Variants in FSTL4 observed in about 807,000 individuals in gnomAD.
The protein encoded by FSTL4 is follistatin like 4.
Under a neutral mutation model 78.2 loss-of-function variants are expected in FSTL4, and 28 were observed. The ratio of observed to expected loss-of-function variants is 0.36; its 90% CI spans 0.27 to 0.49. The LOEUF is 0.49. FSTL4 is among the 20% of genes least tolerant of loss of function. FSTL4 has a pLI of 0.98. For missense variants in FSTL4, 922 were observed against 1,084.9 expected (o/e 0.85, Z 2.11); for synonymous variants, 422 against 440.5 (o/e 0.96, Z 0.53).
At chr5:133,616,162 A>T (rs979270561), upstream of FSTL4, among the ~76,000 whole-genome samples, 3 of 152,220 alleles carry the variant, frequency 2.0e-5, no homozygotes, top group African/African-American at 7.2e-5. Flanking sequence ...CCTACTGAGT[A>T]TAGGCAAAAG....
intron 3 of FSTL4, among the ~76,000 whole-genome samples, chr5:133,522,764 C>A (rs1023930522): frequency 2.6e-5 from 4 of 152,204 alleles, no homozygotes. Context: ...ATTCTAAAAG[C>A]CCCAATTATC....
At chr5:133,294,579 G>A (rs1367525219) in intron 6 of FSTL4, among the ~76,000 whole-genome samples, 2 of 152,082 alleles carry the variant, frequency 1.3e-5, no homozygotes, top group African/African-American at 2.4e-5. Context: ...CTGTGTAAGT[G>A]CCAGGTGATT....
intron 3 of FSTL4, among the ~76,000 whole-genome samples, chr5:133,560,088 C>T (rs1759879820): frequency 6.6e-6 from 1 of 152,204 alleles, no homozygotes; most frequent in Admixed American, 6.5e-5. Context: ...CTGACCCCTG[C>T]GTTTCCAAAA....
chr5:133,541,056 T>C (rs976835234), intron 3 of FSTL4, among the ~76,000 whole-genome samples: 1 of 152,220 alleles, frequency 6.6e-6, no homozygotes, highest in Non-Finnish European at 1.5e-5. Flanking sequence ...GTCAGGTGTT[T>C]TGAGGTTTTG....
intron 3 of FSTL4, among the ~76,000 whole-genome samples, chr5:133,494,768 C>T (rs1758336227): frequency 6.6e-6 from 1 of 152,220 alleles, no homozygotes. Context: ...AGAAGAGGGC[C>T]TGTGGCCCGG....
At chr5:133,667,080 C>T in the FSTL4 span, among the ~76,000 whole-genome samples, 2 of 152,200 alleles carry the variant, frequency 1.3e-5, no homozygotes, top group African/African-American at 2.4e-5. Flanking sequence ...AAACCTAATT[C>T]CTGATCTTCT....
intron 3 of FSTL4, 60 bp downstream of exon 3, chr5:133,567,126 C>T: frequency 1.6e-6 from 2 of 1,213,578 alleles, no homozygotes; most frequent in Non-Finnish European, 2.5e-6. Flanking sequence ...TTAGTTTCAG[C>T]AAACTACTTC....
At chr5:133,333,147 C>T (rs1438201422) in intron 4 of FSTL4, among the ~76,000 whole-genome samples, 1 of 152,226 alleles carries the variant, frequency 6.6e-6, no homozygotes, top group Non-Finnish European at 1.5e-5. Context: ...CCCCATCCTG[C>T]ACCCTGTTTG....
chr5:133,352,405 CAT>C (rs1358562116), intron 4 of FSTL4, among the ~76,000 whole-genome samples: 5 of 149,526 alleles, frequency 3.3e-5, no homozygotes, highest in African/African-American at 4.9e-5. Flanking sequence ...TATATATACA[CAT>C]ATATATATAT....
chr5:133,713,316 C>T, the FSTL4 span, among the ~76,000 whole-genome samples: 1 of 152,056 alleles, frequency 6.6e-6, no homozygotes, highest in Admixed American at 6.6e-5. Context: ...TAGACAAACC[C>T]ATAAAAAAGC....
chr5:133,598,929 C>T (rs1452456128), intron 2 of FSTL4, among the ~76,000 whole-genome samples: 2 of 152,128 alleles, frequency 1.3e-5, no homozygotes, highest in East Asian at 1.9e-4. Context: ...GTTGGTTCAC[C>T]GGGAAGAGGG....
chr5:133,419,664 T>G (rs369419573), intron 3 of FSTL4, among the ~76,000 whole-genome samples: 1 of 152,246 alleles, frequency 6.6e-6, no homozygotes, highest in Non-Finnish European at 1.5e-5. Flanking sequence ...TTAAAGAAAC[T>G]GTCAAACCAT....
At chr5:133,582,713 G>A (rs1288779289) in intron 2 of FSTL4, among the ~76,000 whole-genome samples, 1 of 152,188 alleles carries the variant, frequency 6.6e-6, no homozygotes, top group African/African-American at 2.4e-5. Flanking sequence ...TCTTACCCAT[G>A]ACTTTCTCTC....
chr5:133,816,455 TGAAAAGCCCAG>T, the FSTL4 span, among the ~76,000 whole-genome samples: 1 of 152,114 alleles, frequency 6.6e-6, no homozygotes, highest in Non-Finnish European at 1.5e-5. Context: ...CTCCTAGAGA[TGAAAAGCCCAG>T]GGAAAGCCAT....
the FSTL4 span, among the ~76,000 whole-genome samples, chr5:133,771,497 A>C: frequency 6.6e-6 from 1 of 152,070 alleles, no homozygotes; most frequent in African/African-American, 2.4e-5. Flanking sequence ...TAGCTATTGT[A>C]AATGGAATTG....
the FSTL4 span, among the ~76,000 whole-genome samples, chr5:133,740,673 G>A: frequency 1.3e-5 from 2 of 152,108 alleles, no homozygotes; most frequent in South Asian, 4.2e-4. Flanking sequence ...TCCCTCTCCT[G>A]CATCTGCCAG....
At chr5:133,224,884 A>C (rs528351135) in intron 10 of FSTL4, among the ~76,000 whole-genome samples, 1 of 151,812 alleles carries the variant, frequency 6.6e-6, no homozygotes, top group Non-Finnish European at 1.5e-5. Context: ...GGACTCGACT[A>C]TTTGGGTTTC....
At chr5:133,744,333 T>C in the FSTL4 span, among the ~76,000 whole-genome samples, 1 of 152,216 alleles carries the variant, frequency 6.6e-6, no homozygotes, top group Admixed American at 6.5e-5. Flanking sequence ...GTCAGGACCA[T>C]GATTCTGTGG....
At chr5:133,475,694 T>C (rs1397441463) in intron 3 of FSTL4, among the ~76,000 whole-genome samples, 1 of 152,214 alleles carries the variant, frequency 6.6e-6, no homozygotes, top group African/African-American at 2.4e-5. Flanking sequence ...AGATAAAGAA[T>C]AAGTAATAGG....
Sources: allele counts gnomAD v4.1 joint callset (sites outside exome capture counted in the v4.1 genomes callset), GRCh38; gene constraint gnomAD v4.1.1; transcripts MANE v1.5; gene names NCBI Gene and HGNC (gene_info 2026-07-23, HGNC 2026-07-21).